The following PPP2R3C variants were observed in gnomAD, a reference collection of about 807,000 sequenced individuals.
PPP2R3C encodes serine/threonine-protein phosphatase 2A regulatory subunit B'' subunit gamma.
PPP2R3C carries 47 observed loss-of-function variants against 63.7 expected under a neutral mutation model. That is an observed-to-expected ratio of 0.74 (90% CI 0.58 to 0.94). The LOEUF (loss-of-function observed/expected upper bound fraction) is 0.94. Among genes scored for constraint, PPP2R3C ranks in the 40% least tolerant of loss-of-function variants. The pLI is 0.00. For missense variants in PPP2R3C, 421 were observed against 518.4 expected, an observed-to-expected ratio of 0.81 and a Z score of 1.82; for synonymous variants, 180 against 177.4, an observed-to-expected ratio of 1.01 and a Z score of -0.12.
chr14:35,085,582 T>G lies in PPP2R3C; in HGVS notation c.*8A>C. 1 of 1,593,768 alleles carries G rather than the reference T, an allele frequency of 6.3e-7. No homozygotes were observed. The highest frequency in any genetic ancestry group is 2.2e-5 in the East Asian group (1 of 44,732). On this transcript the variant is annotated 3_prime_UTR_variant, in exon 13 of 13. Coordinates refer to ENST00000261475, the MANE Select transcript of PPP2R3C (RefSeq NM_017917.4). ...CTCATAATATAAGACAGTCTAGTCT[T>G]TCAGAGATCATGTATCATCAAGGTC...
At chr14:35,114,057 TA>T (rs1228770637) in intron 2 of PPP2R3C, among the ~76,000 whole-genome samples, 1 of 152,200 alleles carries the variant, frequency 6.6e-6, no homozygotes, top group Non-Finnish European at 1.5e-5. Flanking sequence ...AGACACTCAA[TA>T]AATGTCAATT....
chr14:35,099,372 A>G lies in PPP2R3C; in HGVS notation c.586T>C (p.Tyr196His). 1 of 1,594,428 alleles carries G rather than the reference A, an allele frequency of 6.3e-7. No homozygotes were observed. Among genetic ancestry groups the G allele is most frequent in the Non-Finnish European group, 8.5e-7 (1 of 1,175,902 alleles). The stretch of plus-strand genomic sequence containing the variant: ...AACGTAGGGATAAGTTCCAATATGT[A>G]GTTTTCTAAATCCTGAAAATAAAAC... ...GYLRESDLEN[Y>H]ILELIPTLPQ... Residue 196 changes from tyrosine (Y) to histidine (H), a missense_variant, in exon 7 of 13, where the codon TAC becomes CAC. Around this residue, in one of 3 missense-constraint regions of PPP2R3C, gnomAD observed 47 missense variants for 102.3 expected, o/e 0.46. Transcript: ENST00000261475.
At position 35,120,693 on chromosome 14, in the gene PPP2R3C, T is replaced by C. The variant is rs116829197; in HGVS notation, c.58+1209A>G. ...TGGGTGCGGCGGCTCACGTCTGTAA[T>C]AGCAACACTTTGGGAGGTGGAGGTA... On this transcript the variant is annotated intron_variant, in intron 1 of 12. Coordinates refer to ENST00000261475, the MANE Select transcript of PPP2R3C (RefSeq NM_017917.4). Among the ~76,000 whole-genome samples, 376 of 152,184 alleles carry C rather than the reference T, an allele frequency of 2.5e-3. 2 individuals carry two copies. Among genetic ancestry groups the C allele is most frequent in the African/African-American group, 8.7e-3 (359 of 41,492 alleles).
chr14:35,099,954 G>A (rs542355913), intron 6 of PPP2R3C: 14 of 153,238 alleles, frequency 9.1e-5, no homozygotes, highest in African/African-American at 3.1e-4. Context: ...TGGCCAGGAT[G>A]GTCTCGATCT....
chr14:35,099,625 C>G, intron 6 of PPP2R3C: 1 of 376,434 alleles, frequency 2.7e-6, no homozygotes, highest in Non-Finnish European at 4.5e-6. Context: ...GATTAAAAAG[C>G]CTCTCACCTA....
chr14:35,116,207 C>T (rs1332358412), intron 2 of PPP2R3C, among the ~76,000 whole-genome samples: 2 of 151,832 alleles, frequency 1.3e-5, no homozygotes, highest in African/African-American at 4.8e-5. Context: ...ATATAATTCT[C>T]TATTTTTAAA....
intron 4 of PPP2R3C, among the ~76,000 whole-genome samples, chr14:35,109,330 C>T (rs1244403838): frequency 6.6e-6 from 1 of 152,160 alleles, no homozygotes. Flanking sequence ...GCTGGGATTA[C>T]AGGCATGAGC....
Position 35,085,716 on chromosome 14 carries a change from GATTAAATCC to G in PPP2R3C, c.1227_1235del (p.Gln409_Ile412delinsHis). 1 of 1,612,280 alleles carries G rather than the reference GATTAAATCC, an allele frequency of 6.2e-7. No individual in the cohort carries two copies. On this transcript the variant is annotated inframe_deletion, in exon 13 of 13. Coordinates refer to ENST00000261475, the MANE Select transcript of PPP2R3C (RefSeq NM_017917.4). ...TTACTGTGTCTCCTTGATTACTGTT[GATTAAATCC>G]TGAAGAGAGATTTTCAAAGGATCCT...
chr14:35,100,232 T>C (rs2046141977), intron 6 of PPP2R3C: 1 of 152,200 alleles, frequency 6.6e-6, no homozygotes, highest in African/African-American at 2.4e-5. Flanking sequence ...TTTAGTTTTT[T>C]CCTAATATTT....
At position 35,107,290 on chromosome 14, in the gene PPP2R3C, AG is replaced by A. The variant is rs766047339; in HGVS notation, c.573+13del. 9 of 1,559,368 alleles carry A rather than the reference AG, an allele frequency of 5.8e-6. No homozygotes were observed. The East Asian group carries it at 1.8e-4, about 31-fold the overall frequency. On this transcript the variant is annotated intron_variant, in intron 6 of 12. Transcript: ENST00000261475. ...TATAAGAGTTAATATAATATCTATA[AG>A]GTTAACACTTACAGATTCCCGAAGG...
chr14:35,104,841 C>G (rs767638083), intron 6 of PPP2R3C, among the ~76,000 whole-genome samples: 1 of 151,888 alleles, frequency 6.6e-6, no homozygotes, highest in African/African-American at 2.4e-5. Flanking sequence ...AAGCGATTCT[C>G]CTGCCTCAGC....
intron 2 of PPP2R3C, among the ~76,000 whole-genome samples, chr14:35,116,249 C>CT (rs141583042): frequency 9.9e-5 from 15 of 151,642 alleles, no homozygotes; most frequent in Middle Eastern, 3.4e-3. Context: ...TTTAAAACTA[C>CT]TTTTTTTTCT....
At chr14:35,099,576 A>C (rs1176094311) in intron 6 of PPP2R3C, 192 bp from the exon 7 acceptor site, 29 of 635,412 alleles carry the variant, frequency 4.6e-5, no homozygotes, top group Non-Finnish European at 5.7e-5. Context: ...AAAGTAGTAA[A>C]TTCTACATAG....
chr14:35,108,266 T>G lies in PPP2R3C; in HGVS notation c.405-30A>C, dbSNP rs2046424426. 4 of 1,541,260 alleles carry G rather than the reference T, an allele frequency of 2.6e-6. No individual in the cohort carries two copies. In the South Asian group the frequency reaches 4.0e-5, roughly 15 times the overall value. On this transcript the variant is annotated intron_variant, in intron 4 of 12. Coordinates refer to ENST00000261475, the MANE Select transcript of PPP2R3C (RefSeq NM_017917.4). ...GAAAAGAAAATAAAGATTTAAATGA[T>G]CTGCCAACATAAAAGAAAATGACTT...
At chr14:35,097,672 T>C (rs1296963626) in intron 7 of PPP2R3C, among the ~76,000 whole-genome samples, 1 of 152,000 alleles carries the variant, frequency 6.6e-6, no homozygotes. Context: ...TTAGTAGAGA[T>C]GGGGTTTCAC....
intron 1 of PPP2R3C, among the ~76,000 whole-genome samples, chr14:35,117,882 T>C (rs2046753820): frequency 6.6e-6 from 1 of 152,030 alleles, no homozygotes; most frequent in Admixed American, 6.6e-5. Context: ...TTAGTAGAGA[T>C]GGGGCTTCTC....
chr14:35,098,346 GTTT>G (rs376634061), intron 7 of PPP2R3C, among the ~76,000 whole-genome samples: 1 of 94,040 alleles, frequency 1.1e-5, no homozygotes, highest in Non-Finnish European at 2.0e-5. Flanking sequence ...CGCCTGGCTA[GTTT>G]TTTTTTTTTT....
chr14:35,109,125 C>T (rs565453093), intron 4 of PPP2R3C, among the ~76,000 whole-genome samples: 259 of 151,758 alleles, frequency 1.7e-3, no homozygotes, highest in Non-Finnish European at 3.3e-3. Flanking sequence ...GGCACGATCT[C>T]GGCTCACTGC....
chr14:35,113,187 G>A (rs2046614636), intron 2 of PPP2R3C: 2 of 153,200 alleles, frequency 1.3e-5, no homozygotes, highest in South Asian at 2.1e-4. Context: ...GGATGGGGCT[G>A]GAGTTGGGGG....
Sources: gnomAD v4.1 joint callset for allele counts (sites outside exome capture counted in the v4.1 genomes callset) on GRCh38, gnomAD v4.1.1 for gene constraint, gnomAD v4.1.1 regional missense constraint, MANE v1.5 for transcripts, NCBI Gene and HGNC (gene_info 2026-07-23, HGNC 2026-07-21) for gene names.